Variants in RAB11FIP2 observed in about 807,000 individuals in gnomAD.
RAB11FIP2 encodes RAB11 family interacting protein 2.
In RAB11FIP2, 16 loss-of-function variants were observed where a neutral mutation model predicts 40.9. The ratio of observed to expected loss-of-function variants is 0.39; its 90% CI spans 0.26 to 0.59. The LOEUF (loss-of-function observed/expected upper bound fraction) is 0.59, where lower values mean the gene tolerates loss of function less well. Among genes scored for constraint, RAB11FIP2 ranks in the 20% least tolerant of loss-of-function variants. The probability of loss-of-function intolerance (pLI) is 0.53; values close to 1 mark genes in which losing one functional copy is unlikely to be tolerated. For synonymous variants in RAB11FIP2, 228 were observed against 213.7 expected (o/e 1.07, Z -0.58); for missense variants, 532 against 606.2 (o/e 0.88, Z 1.28).
At chr10:118,031,142 C>A (rs1340068710) in intron 3 of RAB11FIP2, among the ~76,000 whole-genome samples, 5 of 152,044 alleles carry the variant, frequency 3.3e-5, no homozygotes, top group Non-Finnish European at 7.4e-5. Flanking sequence ...GGCAAATTAT[C>A]TTTAACACTA....
Position 118,039,431 on chromosome 10 carries a change from T to G in RAB11FIP2, c.806A>C (p.Lys269Thr), listed in dbSNP as rs776412775. 1.9e-6 allele frequency: 3 copies of G among 1,610,146 alleles called. No individual in the cohort carries two copies. The African/African-American group carries it at 4.0e-5, about 22-fold the overall frequency. The change falls in exon 3 of 5, where the codon AAA becomes ACA. Residue 269 changes from lysine (K) to threonine (T), a missense_variant. By Grantham distance (78) the Lys-to-Thr change is moderately conservative. Transcript: ENST00000355624. ...FGTVPESGSL[K>T]SPHRRTLSFD... ...GCTTAATGTTCTTCTGTGTGGAGAT[T>G]TGAGACTTCCTACAAACAATTTTGT...
At chr10:118,034,526 TAACA>T (rs973044834) in intron 3 of RAB11FIP2, among the ~76,000 whole-genome samples, 1 of 152,138 alleles carries the variant, frequency 6.6e-6, no homozygotes, top group African/African-American at 2.4e-5. Context: ...AAAAATGGTA[TAACA>T]AACATTCAGG....
chr10:118,029,311 C>A (rs1376610392), intron 3 of RAB11FIP2, among the ~76,000 whole-genome samples: 4 of 152,036 alleles, frequency 2.6e-5, no homozygotes, highest in Non-Finnish European at 5.9e-5. Context: ...CTCCTCACTG[C>A]CAAATGACCT....
In RAB11FIP2 at chr10:118,046,181, C is replaced by A. The variant is rs769577106; in HGVS notation, c.-18G>T. ...AGCATCATCCTGTCCTGTTTCTCTG[C>A]CCCCGAGTTCCCTAGCACAGGCAGT... On this transcript the variant is annotated 5_prime_UTR_variant, in exon 1 of 5. Transcript: ENST00000355624. 20 of 1,601,166 alleles carry A rather than the reference C, an allele frequency of 1.2e-5. No homozygotes were observed. The highest frequency in any genetic ancestry group is 1.7e-5 in the Admixed American group (1 of 59,666).
chr10:118,013,528 T>C (rs2133162541), intron 4 of RAB11FIP2, among the ~76,000 whole-genome samples: 1 of 152,220 alleles, frequency 6.6e-6, no homozygotes, highest in Admixed American at 6.5e-5. Context: ...ATTGGAGAAC[T>C]TAATGTAAAT....
chr10:118,042,783 T>C (rs898413647), intron 1 of RAB11FIP2, among the ~76,000 whole-genome samples: 3 of 152,136 alleles, frequency 2.0e-5, no homozygotes, highest in Admixed American at 2.0e-4. Context: ...ATAAAGCAAA[T>C]CAGTATTTGA....
At chr10:118,033,927 C>G (rs575292324) in intron 3 of RAB11FIP2, 2 of 700,858 alleles carry the variant, frequency 2.9e-6, no homozygotes, top group South Asian at 3.0e-5. Context: ...CTTGGCTATT[C>G]CTCGTCAGGT....
chr10:118,033,288 G>C (rs1215044227), intron 3 of RAB11FIP2, among the ~76,000 whole-genome samples: 1 of 152,034 alleles, frequency 6.6e-6, no homozygotes, highest in African/African-American at 2.4e-5. Flanking sequence ...TTCAGTCAGA[G>C]GGGAGGCCCA....
intron 3 of RAB11FIP2, among the ~76,000 whole-genome samples, chr10:118,024,395 C>G (rs925258614): frequency 1.3e-5 from 2 of 151,680 alleles, no homozygotes; most frequent in African/African-American, 2.4e-5. Context: ...CTTTGGGAAG[C>G]TGTGTTGCGT....
intron 3 of RAB11FIP2, among the ~76,000 whole-genome samples, chr10:118,022,600 G>T (rs1846294254): frequency 6.6e-6 from 1 of 152,100 alleles, no homozygotes; most frequent in Non-Finnish European, 1.5e-5. Flanking sequence ...TTAAAAGAGG[G>T]TTAAAAGAAA....
At chr10:118,025,472 A>G (rs1019119660) in intron 3 of RAB11FIP2, among the ~76,000 whole-genome samples, 1 of 152,110 alleles carries the variant, frequency 6.6e-6, no homozygotes, top group African/African-American at 2.4e-5. Context: ...TTCGGAATCT[A>G]AAATCACACT....
intron 3 of RAB11FIP2, among the ~76,000 whole-genome samples, chr10:118,034,324 C>A (rs76065475): frequency 2.0e-5 from 3 of 150,140 alleles, no homozygotes; most frequent in Non-Finnish European, 4.4e-5. Context: ...TCCATGAACT[C>A]TTAAATAAGC....
rs761902639 is a variant in RAB11FIP2, at chr10:118,046,315, C to T, written c.-152G>A. 3.7e-5 allele frequency: 26 copies of T among 702,322 alleles called. No individual in the cohort carries two copies. Among genetic ancestry groups the T allele is most frequent in the Non-Finnish European group, 6.1e-5 (26 of 423,782 alleles). The allele number at this position is 702,322 out of a possible 1,614,324, so 43.5% of individuals were successfully genotyped here. On this transcript the variant is annotated 5_prime_UTR_variant, in exon 1 of 5. Coordinates refer to ENST00000355624, the MANE Select transcript of RAB11FIP2 (RefSeq NM_014904.3). The stretch of plus-strand genomic sequence containing the variant: ...GACTTCCCTATGGCTGATGTCAAAA[C>T]GCCTCGCGGGGGCAGCCCAGGGGCA...
In RAB11FIP2 at chr10:118,046,350, C is replaced by CG; in HGVS notation, c.-188dup. 1 of 592,186 alleles carries CG rather than the reference C, an allele frequency of 1.7e-6. No individual in the cohort carries two copies. The allele number at this position is 592,186 out of a possible 1,614,324, so 36.7% of individuals were successfully genotyped here. A position where few individuals can be genotyped will look rare whatever the true frequency, so the allele number is the denominator to read the frequency against. The stretch of plus-strand genomic sequence containing the variant: ...GGGCAGCCCAGGGGCACGGCCGCTC[C>CG]GGGGGTCCCCTTTCGTCTGGAGAAA... On this transcript the variant is annotated 5_prime_UTR_variant, in exon 1 of 5. It introduces an in-frame stop codon into an upstream open reading frame of the 5' UTR. Transcript: ENST00000355624.
chr10:118,005,233 G>A lies in RAB11FIP2; in HGVS notation c.*3765C>T, dbSNP rs1295288841. ...GCTTCGAAGACTAACAGGCCCACAT[G>A]TATCATGTATTAGACTTCAACTCCA... is the stretch of plus-strand genomic sequence containing the variant. On this transcript the variant is annotated 3_prime_UTR_variant, in exon 5 of 5. Coordinates refer to ENST00000355624, the MANE Select transcript of RAB11FIP2 (RefSeq NM_014904.3). The A allele has an allele frequency of 6.6e-6, 1 of 152,572 alleles. No individual in the cohort carries two copies. Among genetic ancestry groups the A allele is most frequent in the Non-Finnish European group, 1.5e-5 (1 of 68,036 alleles). The allele number at this position is 152,572 out of a possible 1,614,324, so 9.5% of individuals were successfully genotyped here.
chr10:118,028,921 C>G (rs541767483), intron 3 of RAB11FIP2, among the ~76,000 whole-genome samples: 4 of 152,008 alleles, frequency 2.6e-5, no homozygotes, highest in Admixed American at 6.6e-5. Context: ...AACAAACTTT[C>G]AAAAGCTGCT....
intron 1 of RAB11FIP2, among the ~76,000 whole-genome samples, chr10:118,044,912 A>C (rs1369163501): frequency 6.6e-6 from 1 of 152,180 alleles, no homozygotes; most frequent in Non-Finnish European, 1.5e-5. Context: ...TCATTAATAT[A>C]ATGTCCTTTT....
At position 118,039,073 on chromosome 10, in the gene RAB11FIP2, T is replaced by G; in HGVS notation, c.1164A>C (p.Ser388=). 1 of 1,613,596 alleles carries G rather than the reference T, an allele frequency of 6.2e-7. No homozygotes were observed. The highest frequency in any genetic ancestry group is 1.1e-5 in the South Asian group (1 of 91,024). ...GGCGATTTTCACTAAATGCATTAGG[T>G]GATTTCAAGTCACAAGGGCTATCAG... ...GGSDSPCDLK[S]PNAFSENRQD... The change falls in exon 3 of 5, where the codon TCA becomes TCC. Residue 388 remains serine, a synonymous_variant. Transcript: ENST00000355624.
At chr10:118,020,927 A>G (rs531165605) in intron 3 of RAB11FIP2, among the ~76,000 whole-genome samples, 1 of 152,236 alleles carries the variant, frequency 6.6e-6, no homozygotes, top group South Asian at 2.1e-4. Flanking sequence ...ATAATTACTC[A>G]TATGAATTAC....
Sources: allele counts gnomAD v4.1 joint callset (sites outside exome capture counted in the v4.1 genomes callset), GRCh38; gene constraint gnomAD v4.1.1; transcripts MANE v1.5; gene names NCBI Gene and HGNC (gene_info 2026-07-23, HGNC 2026-07-21).